TRIM62: variants seen among roughly 807,000 people sequenced by gnomAD.
TRIM62 encodes the protein E3 ubiquitin-protein ligase TRIM62.
TRIM62 carries 39 observed loss-of-function variants against 44.2 expected under a neutral mutation model. The ratio of observed to expected loss-of-function variants is 0.88; its 90% CI spans 0.68 to 1.15. TRIM62 has a LOEUF of 1.15. TRIM62 is among the 50% of genes most tolerant of loss of function. The probability of loss-of-function intolerance (pLI) is 0.00; values close to 1 mark genes in which losing one functional copy is unlikely to be tolerated. For missense variants in TRIM62, 544 were observed against 665.5 expected, an observed-to-expected ratio of 0.82 and a Z score of 2.01; for synonymous variants, 278 against 292.3, an observed-to-expected ratio of 0.95 and a Z score of 0.50.
chr1:33,152,539 C>T (rs898047696), intron 4 of TRIM62, among the ~76,000 whole-genome samples: 27 of 149,432 alleles, frequency 1.8e-4, no homozygotes, highest in Non-Finnish European at 3.5e-4. Flanking sequence ...TGCACTCCAG[C>T]CTGGGCAACA....
At chr1:33,157,857 A>G (rs1645202373) in intron 4 of TRIM62, among the ~76,000 whole-genome samples, 1 of 152,028 alleles carries the variant, frequency 6.6e-6, no homozygotes, top group Non-Finnish European at 1.5e-5. Flanking sequence ...CCTGGGTTCA[A>G]GCAATTCTCC....
chr1:33,157,689 G>C (rs1645199199), intron 4 of TRIM62, among the ~76,000 whole-genome samples: 1 of 151,896 alleles, frequency 6.6e-6, no homozygotes. Flanking sequence ...AGTCTATGAA[G>C]TGTCCAGGCC....
At position 33,177,321 on chromosome 1, in the gene TRIM62, C is replaced by T. The variant is rs558346663; in HGVS notation, c.408+3704G>A. On this transcript the variant is annotated intron_variant, in intron 1 of 4. Coordinates refer to ENST00000291416, the MANE Select transcript of TRIM62 (RefSeq NM_018207.3). The surrounding 1 kb of genome is among the most constrained non-coding windows in gnomAD (Gnocchi z 4.1). ...GTTTTGGGGTGCCTACTATGCCAGGCACAGTACTAGGCACTTCTGATAAAG... is the reference window on the plus strand; with the variant it reads ...GTTTTGGGGTGCCTACTATGCCAGGTACAGTACTAGGCACTTCTGATAAAG... Among the ~76,000 whole-genome samples the T allele has an allele frequency of 1.3e-5, 2 of 152,278 alleles. No homozygotes were observed. Among genetic ancestry groups the T allele is most frequent in the South Asian group, 4.1e-4 (2 of 4,826 alleles).
rs527656853 is a variant in TRIM62, at chr1:33,145,678, C to A, written c.*1499G>T. ...CAGGACTAGAAAGAAAAGTCAAGGC[C>A]GGGGAGACATTTAGGCTCAGTCTTG... On this transcript the variant is annotated 3_prime_UTR_variant, in exon 5 of 5. Transcript: ENST00000291416. 1.2e-5 allele frequency: 4 copies of A among 323,098 alleles called. No homozygotes were observed. The East Asian group carries it at 3.6e-4, about 29-fold the overall frequency. 20.0% of individuals were successfully genotyped at this position (323,098 alleles called of 1,614,324 possible). A position where few individuals can be genotyped will look rare whatever the true frequency, so the allele number is the denominator to read the frequency against.
At chr1:33,151,625 A>G (rs1224778958) in intron 4 of TRIM62, among the ~76,000 whole-genome samples, 1 of 152,102 alleles carries the variant, frequency 6.6e-6, no homozygotes, top group Non-Finnish European at 1.5e-5. Context: ...GGGGCTCACT[A>G]TTCTACAGGT....
intron 4 of TRIM62, among the ~76,000 whole-genome samples, chr1:33,157,635 A>G (rs1645197686): frequency 6.6e-6 from 1 of 152,184 alleles, no homozygotes; most frequent in Non-Finnish European, 1.5e-5. Flanking sequence ...AGCACCTAGA[A>G]CAGTTCCTGA....
At chr1:33,179,476 G>C (rs977553105) in intron 1 of TRIM62, among the ~76,000 whole-genome samples, 2 of 152,210 alleles carry the variant, frequency 1.3e-5, no homozygotes, top group Admixed American at 6.5e-5. Context: ...TTTAGTTTCT[G>C]TTTGAGTATC....
intron 1 of TRIM62, among the ~76,000 whole-genome samples, chr1:33,169,854 C>G (rs1645359248): frequency 6.6e-6 from 1 of 152,222 alleles, no homozygotes; most frequent in Admixed American, 6.5e-5. Flanking sequence ...GTGGACAGTA[C>G]TGCTGCAGAC....
At position 33,158,334 on chromosome 1, in the gene TRIM62, A is replaced by C; in HGVS notation, c.796T>G (p.Tyr266Asp). The C allele has an allele frequency of 6.2e-7, 1 of 1,613,866 alleles. No individual in the cohort carries two copies. Among genetic ancestry groups the C allele is most frequent in the East Asian group, 2.2e-5 (1 of 44,862 alleles). ...KGKIHETNLT[Y>D]EDFPTSKYTG... ...TACTTGGAGGTCGGGAAGTCTTCAT[A>C]TGTGAGGTTGGTCTCATGGATTTTT... The change falls in exon 4 of 5, where the codon TAT (tyrosine) becomes GAT (aspartate). Residue 266 changes from tyrosine to aspartate, a missense_variant. Tyr to Asp is a radical substitution (Grantham distance 160). Transcript: ENST00000291416.
rs1255782291 is a variant in TRIM62, at chr1:33,167,586, C to A, written c.409-2020G>T. On this transcript the variant is annotated intron_variant, in intron 1 of 4. Transcript: ENST00000291416. This position sits in a 1 kb window ranked among gnomAD's most constrained non-coding sequence, Gnocchi z 4.2. Reference sequence around the variant, plus strand: ...TACCTCACACCCAGCAACAGCCTGGCACTGAGATGGGACTCAATGACGCTT... The same window carrying A: ...TACCTCACACCCAGCAACAGCCTGGAACTGAGATGGGACTCAATGACGCTT... 6.6e-6 allele frequency among the ~76,000 whole-genome samples: 1 copy of A among 152,206 alleles called. No homozygotes were observed. Among genetic ancestry groups the A allele is most frequent in the African/African-American group, 2.4e-5 (1 of 41,456 alleles).
intron 1 of TRIM62, among the ~76,000 whole-genome samples, chr1:33,172,373 C>T (rs890706896): frequency 6.6e-6 from 1 of 152,020 alleles, no homozygotes; most frequent in African/African-American, 2.4e-5. Flanking sequence ...AGGGGCCCAC[C>T]CTCACGTGTG....
chr1:33,147,136 T>C lies in TRIM62; in HGVS notation c.*41A>G, dbSNP rs1645030227. ...ATCTCCTGGGCAGGGCTCTTGCAGG[T>C]GGCAGTGGTCCCAGGAGGTTGTGGT... On this transcript the variant is annotated 3_prime_UTR_variant, in exon 5 of 5. Coordinates refer to ENST00000291416, the MANE Select transcript of TRIM62 (RefSeq NM_018207.3). The surrounding 1 kb of genome is among the most constrained non-coding windows in gnomAD (Gnocchi z 8.1). 6.3e-7 allele frequency: 1 copy of C among 1,591,558 alleles called. No individual in the cohort carries two copies. The highest frequency in any genetic ancestry group is 2.2e-5 in the East Asian group (1 of 44,712).
chr1:33,178,333 C>T (rs1286464514), intron 1 of TRIM62, among the ~76,000 whole-genome samples: 1 of 152,142 alleles, frequency 6.6e-6, no homozygotes, highest in African/African-American at 2.4e-5. Flanking sequence ...CCTTGCCTTC[C>T]CCATATGGAG....
chr1:33,180,997 C>G (rs1645457195), intron 1 of TRIM62, 28 bp downstream of exon 1: 1 of 1,538,828 alleles, frequency 6.5e-7, no homozygotes, highest in African/African-American at 1.4e-5. Context: ...CGGCCCCGCC[C>G]CTTCCCCAGG....
intron 1 of TRIM62, chr1:33,166,377 T>C (rs935221408): frequency 1.3e-5 from 2 of 151,182 alleles, no homozygotes; most frequent in African/African-American, 2.4e-5. Context: ...TCCATGAAGC[T>C]GGTCCCTGGT....
chr1:33,170,299 G>A (rs1032140426), intron 1 of TRIM62, among the ~76,000 whole-genome samples: 1 of 143,010 alleles, frequency 7.0e-6, no homozygotes, highest in Non-Finnish European at 1.5e-5. Flanking sequence ...ACTCCAGCCT[G>A]GGTGACACAG....
In TRIM62 at chr1:33,159,948, T is replaced by G. The variant is rs760625612; in HGVS notation, c.505-4A>C. ...TCCGCAGGCTCTTGGTGGAAGACTG[T>G]GGGGGACAGTCGTCAGGGGTTATGG... is the stretch of plus-strand genomic sequence containing the variant. On this transcript the variant is annotated splice_polypyrimidine_tract_variant and splice_region_variant and intron_variant, in intron 2 of 4. Coordinates refer to ENST00000291416, the MANE Select transcript of TRIM62 (RefSeq NM_018207.3). The surrounding 1 kb of genome is among the most constrained non-coding windows in gnomAD (Gnocchi z 4.2). 11 of 1,600,214 alleles carry G rather than the reference T, an allele frequency of 6.9e-6. No individual in the cohort carries two copies. Among genetic ancestry groups the G allele is most frequent in the Middle Eastern group, 1.7e-4 (1 of 6,058 alleles).
chr1:33,179,468 T>A (rs978818437), intron 1 of TRIM62, among the ~76,000 whole-genome samples: 1 of 152,170 alleles, frequency 6.6e-6, no homozygotes, highest in Non-Finnish European at 1.5e-5. Flanking sequence ...AGTAATTATT[T>A]AGTTTCTGTT....
chr1:33,156,217 G>A (rs79076833), intron 4 of TRIM62, among the ~76,000 whole-genome samples: 4 of 152,114 alleles, frequency 2.6e-5, no homozygotes, highest in Non-Finnish European at 4.4e-5. Flanking sequence ...TCATCTCACA[G>A]ATATGCTGTA....
Sources: allele counts gnomAD v4.1 joint callset (sites outside exome capture counted in the v4.1 genomes callset), GRCh38; gene constraint gnomAD v4.1.1; non-coding constraint Gnocchi (gnomAD v3.1); transcripts MANE v1.5; gene names NCBI Gene and HGNC (gene_info 2026-07-23, HGNC 2026-07-21).